Variants in ATRX observed in about 807,000 individuals in gnomAD.
ATRX encodes chromatin remodeler ATRX.
A neutral mutation model predicts 172.6 loss-of-function variants in ATRX; 12 were observed. The ratio of observed to expected loss-of-function variants is 0.07; its 90% confidence interval spans 0.04 to 0.11. The LOEUF (loss-of-function observed/expected upper bound fraction) is 0.11. Ranked by LOEUF, ATRX falls within the 10% of genes least tolerant of loss-of-function variation. ATRX has a pLI of 1.00. For synonymous variants in ATRX, 674 were observed against 594.7 expected (o/e 1.13, Z -1.94); for missense variants, 1,368 against 1,767.4 (o/e 0.77, Z 4.05).
intron 26 of ATRX, among the ~76,000 whole-genome samples, chrX:77,592,136 G>A (rs902352925): frequency 1.8e-5 from 2 of 111,145 alleles, no homozygotes; most frequent in Non-Finnish European, 3.8e-5. Context: ...CTCAAGCTAG[G>A]CGCGGTGGCT....
intron 1 of ATRX, among the ~76,000 whole-genome samples, chrX:77,779,314 C>T (rs187997291): frequency 9.1e-6 from 1 of 109,493 alleles, no homozygotes; most frequent in East Asian, 2.9e-4. Flanking sequence ...ACTCACACAA[C>T]AACTTACTTT....
intron 1 of ATRX, among the ~76,000 whole-genome samples, chrX:77,740,587 G>A (rs1031741915): frequency 1.8e-5 from 2 of 110,580 alleles, no homozygotes; most frequent in East Asian, 5.6e-4. Context: ...TCTCATCTAA[G>A]TGGGAGGGCA....
chrX:77,602,669 GT>G (rs2066725600), intron 22 of ATRX, among the ~76,000 whole-genome samples: 1 of 109,637 alleles, frequency 9.1e-6, no homozygotes, highest in African/African-American at 3.3e-5. Flanking sequence ...TGGTCCATTG[GT>G]TATTTAGATA....
chrX:77,541,464 T>G (rs2063990651), intron 30 of ATRX, among the ~76,000 whole-genome samples: 1 of 111,913 alleles, frequency 8.9e-6, no homozygotes, highest in Admixed American at 9.5e-5. Context: ...CCTAACTCAT[T>G]TTATGAGGCC....
At chrX:77,543,055 T>C (rs2064074969) in intron 30 of ATRX, among the ~76,000 whole-genome samples, 1 of 111,574 alleles carries the variant, frequency 9.0e-6, no homozygotes, top group Non-Finnish European at 1.9e-5. Context: ...ATTTTTGCAA[T>C]CTACTCATCT....
intron 30 of ATRX, among the ~76,000 whole-genome samples, chrX:77,552,049 G>T (rs1372890976): frequency 9.0e-6 from 1 of 111,617 alleles, no homozygotes; most frequent in Non-Finnish European, 1.9e-5. Flanking sequence ...AACCATTGTG[G>T]AAGACAGTGT....
At chrX:77,558,926 C>T (rs2147951595) in intron 28 of ATRX, 80 bp from the exon 29 acceptor site, 1 of 832,220 alleles carries the variant, frequency 1.2e-6, no homozygotes, top group Non-Finnish European at 1.7e-6. Context: ...CTTTTTGATA[C>T]TTAGTTTTTT....
rs781968655 is a variant in ATRX, at chrX:77,681,644, A to T, written c.3612T>A (p.Ser1204=). 2.5e-6 allele frequency: 3 copies of T among 1,205,988 alleles called. No individual in the cohort carries two copies. The highest frequency in any genetic ancestry group is 3.6e-5 in the South Asian group (2 of 55,573). ...GATCATCATCTTCTATATCAGAAGA[A>T]GATGAGGATGTAATGTCAGCTTGCT... The part of the protein sequence containing the change: ...KRKQADITSS[S]SSDIEDDDQN... Residue 1204 remains serine, a synonymous_variant, in exon 9 of 35, where the codon TCT becomes TCA. Coordinates refer to ENST00000373344, the MANE Select transcript of ATRX (RefSeq NM_000489.6).
At chrX:77,509,911 C>G (rs200339585) in intron 34 of ATRX, among the ~76,000 whole-genome samples, 52 of 31,332 alleles carry the variant, frequency 1.7e-3, no homozygotes, top group African/African-American at 3.1e-3. Context: ...GGACGGGGGG[C>G]GGGGGGGGGG....
intron 26 of ATRX, among the ~76,000 whole-genome samples, chrX:77,592,034 G>T (rs1430582453): frequency 9.0e-6 from 1 of 111,555 alleles, no homozygotes; most frequent in Non-Finnish European, 1.9e-5. Flanking sequence ...ACAACATGAA[G>T]AACTCTTTTG....
intron 2 of ATRX, among the ~76,000 whole-genome samples, chrX:77,702,762 T>C (rs1210919539): frequency 9.0e-6 from 1 of 111,614 alleles, no homozygotes; most frequent in East Asian, 2.8e-4. Flanking sequence ...AGTCTCACCC[T>C]ATTGCCCAGG....
chrX:77,588,604 C>T (rs1020366112), intron 27 of ATRX, among the ~76,000 whole-genome samples: 20 of 107,188 alleles, frequency 1.9e-4, no homozygotes, highest in African/African-American at 5.8e-4. Context: ...CTCATCTCTA[C>T]GAAAAATTAA....
chrX:77,571,352 C>A (rs373666981), intron 28 of ATRX, among the ~76,000 whole-genome samples: 2 of 111,798 alleles, frequency 1.8e-5, no homozygotes, highest in Non-Finnish European at 3.8e-5. Flanking sequence ...ACATCCATCC[C>A]ATAGAATACT....
chrX:77,660,622 A>C (rs938107584), intron 12 of ATRX, among the ~76,000 whole-genome samples: 5 of 110,294 alleles, frequency 4.5e-5, no homozygotes, highest in Admixed American at 9.7e-5. Flanking sequence ...ATAAAAAAGA[A>C]ATTTATAAGA....
rs2147760587 is a variant in ATRX, at chrX:77,523,315, T to C, written c.6786A>G (p.Glu2262=). Residue 2262 remains glutamate, a synonymous_variant, in exon 31 of 35, where the codon GAA becomes GAG. Coordinates refer to ENST00000373344, the MANE Select transcript of ATRX (RefSeq NM_000489.6). ...HEHDSLLDHK[E]EEELTEEERK... Reference sequence around the variant, plus strand: ...TTTCTTCTTCAGTCAACTCTTCTTCTTCTTTGTGGTCCAAAAGAGAATCAT... The same window carrying C: ...TTTCTTCTTCAGTCAACTCTTCTTCCTCTTTGTGGTCCAAAAGAGAATCAT... The C allele has an allele frequency of 2.5e-6, 3 of 1,211,105 alleles. No homozygotes were observed. The highest frequency in any genetic ancestry group is 3.4e-6 in the Non-Finnish European group (3 of 894,907).
In ATRX at chrX:77,552,400, G is replaced by C. The variant is rs1457404839; in HGVS notation, c.6699+5051C>G. Among the ~76,000 whole-genome samples, 4 of 97,586 alleles carry C rather than the reference G, an allele frequency of 4.1e-5. No individual in the cohort carries two copies. The East Asian group carries it at 1.3e-3, about 33-fold the overall frequency. The allele number at this position is 97,586 out of a possible 115,157, so 84.7% of individuals were successfully genotyped here. A position where few individuals can be genotyped will look rare whatever the true frequency, so the allele number is the denominator to read the frequency against. Reference sequence around the variant, plus strand: ...CACCCCATGTTCTCACTCATAGGTGGGAATTGAACAATGAGAACACTTGGA... The same window carrying C: ...CACCCCATGTTCTCACTCATAGGTGCGAATTGAACAATGAGAACACTTGGA... On this transcript the variant is annotated intron_variant, in intron 30 of 34. Coordinates refer to ENST00000373344, the MANE Select transcript of ATRX (RefSeq NM_000489.6).
Position 77,593,815 on chromosome X carries a change from T to C in ATRX, c.5991A>G (p.Pro1997=), listed in dbSNP as rs190170999. 3 of 1,208,395 alleles carry C rather than the reference T, an allele frequency of 2.5e-6. No homozygotes were observed. The highest frequency in any genetic ancestry group is 3.4e-6 in the Non-Finnish European group (3 of 894,145). Reference sequence around the variant, plus strand: ...CAAAATCTTTGTACCAGTCTGGAGCTGGGCTGCTTGGATTAGAAGAAGAAG... The same window carrying C: ...CAAAATCTTTGTACCAGTCTGGAGCCGGGCTGCTTGGATTAGAAGAAGAAG... ...KATSSSNPSS[P]APDWYKDFVT... Residue 1997 remains proline (P), a synonymous_variant, in exon 26 of 35, where the codon CCA becomes CCG. Transcript: ENST00000373344.
Position 77,670,894 on chromosome X carries a change from T to A in ATRX, c.3809+5332A>T, listed in dbSNP as rs1417386525. On this transcript the variant is annotated intron_variant, in intron 10 of 34. Coordinates refer to ENST00000373344, the MANE Select transcript of ATRX (RefSeq NM_000489.6). ...CAGGCACGGTGGCTCATGCCTGTAA[T>A]CCCAGCACTTTGGGAGGCTGAGGCG... Among the ~76,000 whole-genome samples the A allele has an allele frequency of 2.8e-5, 3 of 107,546 alleles. No homozygotes were observed. The East Asian group carries it at 8.8e-4, about 31-fold the overall frequency. 93.4% of individuals were successfully genotyped at this position (107,546 alleles called of 115,157 possible). A position where few individuals can be genotyped will look rare whatever the true frequency, so the allele number is the denominator to read the frequency against.
At chrX:77,625,504 G>A (rs1190987592) in intron 19 of ATRX, among the ~76,000 whole-genome samples, 1 of 112,420 alleles carries the variant, frequency 8.9e-6, no homozygotes, top group Admixed American at 9.3e-5. Context: ...ATCTGACAAA[G>A]GACTAATATC....
Sources: allele counts gnomAD v4.1 joint callset (sites outside exome capture counted in the v4.1 genomes callset), GRCh38; gene constraint gnomAD v4.1.1; transcripts MANE v1.5; gene names NCBI Gene and HGNC (gene_info 2026-07-23, HGNC 2026-07-21).